Variants in RNF6 observed in about 807,000 individuals in gnomAD.
RNF6 encodes ring finger protein 6.
A neutral mutation model predicts 50.1 loss-of-function variants in RNF6; 21 were observed. The ratio of observed to expected loss-of-function variants is 0.42; its 90% CI spans 0.30 to 0.60. The LOEUF (loss-of-function observed/expected upper bound fraction) is 0.60, where lower values mean the gene tolerates loss of function less well. Among genes scored for constraint, RNF6 ranks in the 20% least tolerant of loss-of-function variants. RNF6 has a pLI of 0.20. For missense variants in RNF6, 698 were observed against 838.2 expected, an observed-to-expected ratio of 0.83 and a Z score of 2.07; for synonymous variants, 255 against 291.8, an observed-to-expected ratio of 0.87 and a Z score of 1.29.
At chr13:26,157,956 AAGATAGAT>A (rs151267109) in intron 5 of RNF6, among the ~76,000 whole-genome samples, 12,215 of 146,628 alleles carry the variant, frequency 0.083, 536 homozygotes, top group East Asian at 0.12. Flanking sequence ...AGCTAGCTAG[AAGATAGAT>A]AGATAGATAG....
At chr13:26,201,370 T>G (rs1343528969) in intron 5 of RNF6, among the ~76,000 whole-genome samples, 1 of 152,204 alleles carries the variant, frequency 6.6e-6, no homozygotes, top group Non-Finnish European at 1.5e-5. Context: ...TGAAACAGAT[T>G]TGATGATTGG....
chr13:26,222,348 G>A (rs1440116060), upstream of RNF6: 1 of 152,276 alleles, frequency 6.6e-6, no homozygotes, highest in Non-Finnish European at 1.5e-5. Flanking sequence ...AGGGTGCCTG[G>A]CGTCCCGCGT....
chr13:26,169,082 G>A (rs7987427), intron 5 of RNF6, among the ~76,000 whole-genome samples: 2 of 151,906 alleles, frequency 1.3e-5, no homozygotes, highest in African/African-American at 4.8e-5. Flanking sequence ...CTGGGAAAAG[G>A]CTGCACTCCC....
chr13:26,144,422 C>A (rs758550710), intron 5 of RNF6, among the ~76,000 whole-genome samples: 3 of 151,428 alleles, frequency 2.0e-5, no homozygotes, highest in African/African-American at 7.3e-5. Flanking sequence ...ACCCACATAC[C>A]TCTTCTCCAA....
intron 5 of RNF6, among the ~76,000 whole-genome samples, chr13:26,191,604 C>A (rs758574356): frequency 1.1e-4 from 16 of 152,112 alleles, no homozygotes; most frequent in Non-Finnish European, 1.8e-4. Flanking sequence ...AAGTGCTTGG[C>A]AGTTCTCTCC....
chr13:26,145,221 G>A (rs564545765), intron 5 of RNF6, among the ~76,000 whole-genome samples: 158 of 152,366 alleles, frequency 1.0e-3, no homozygotes, highest in African/African-American at 3.7e-3. Context: ...TGCAACAGCT[G>A]AAAGTGGAGT....
At chr13:26,143,537 T>C (rs985907752) in intron 5 of RNF6, among the ~76,000 whole-genome samples, 1 of 152,186 alleles carries the variant, frequency 6.6e-6, no homozygotes, top group Admixed American at 6.5e-5. Context: ...CTTTTGCTAG[T>C]GACTCACTAG....
intron 5 of RNF6, among the ~76,000 whole-genome samples, chr13:26,155,547 A>T (rs1366802076): frequency 6.6e-6 from 1 of 152,190 alleles, no homozygotes; most frequent in African/African-American, 2.4e-5. Flanking sequence ...GAGAGCAAAC[A>T]GGCTTTACTG....
intron 5 of RNF6, among the ~76,000 whole-genome samples, chr13:26,157,392 G>A (rs1871984911): frequency 1.3e-5 from 2 of 152,028 alleles, no homozygotes; most frequent in Admixed American, 6.6e-5. Flanking sequence ...CAATGGCAGT[G>A]GGTGTAATTT....
At chr13:26,132,187 C>T (rs1370412407) in exon 6 of RNF6, 1 of 232,918 alleles carries the variant, frequency 4.3e-6, no homozygotes, top group East Asian at 1.1e-4. Context: ...TCCATAGATG[C>T]TTCAGGGTAT....
chr13:26,181,699 A>C (rs1359305030), intron 5 of RNF6, among the ~76,000 whole-genome samples: 1 of 152,224 alleles, frequency 6.6e-6, no homozygotes, highest in Non-Finnish European at 1.5e-5. Flanking sequence ...TCCTCTTGGC[A>C]TCAAGCAGTG....
At chr13:26,173,026 A>G (rs1300293734) in intron 5 of RNF6, among the ~76,000 whole-genome samples, 1 of 152,244 alleles carries the variant, frequency 6.6e-6, no homozygotes, top group East Asian at 1.9e-4. Context: ...TCATAATTAT[A>G]TGAGAACATG....
chr13:26,190,036 A>C (rs1286782355), intron 5 of RNF6, among the ~76,000 whole-genome samples: 1 of 152,236 alleles, frequency 6.6e-6, no homozygotes, highest in Non-Finnish European at 1.5e-5. Flanking sequence ...CGGGGCTAAA[A>C]TCAAGGTGTT....
chr13:26,153,765 C>G (rs1326875823), intron 5 of RNF6, among the ~76,000 whole-genome samples: 1 of 151,612 alleles, frequency 6.6e-6, no homozygotes, highest in Non-Finnish European at 1.5e-5. Context: ...GTAAAATTAT[C>G]CTATTTTGGA....
At chr13:26,209,250 A>G (rs1593188274), downstream of RNF6, among the ~76,000 whole-genome samples, 1 of 152,298 alleles carries the variant, frequency 6.6e-6, no homozygotes, top group East Asian at 1.9e-4. Context: ...CATCACCACC[A>G]CAAGCACCAG....
intron 5 of RNF6, among the ~76,000 whole-genome samples, chr13:26,191,514 G>A (rs954072493): frequency 1.3e-5 from 2 of 152,180 alleles, no homozygotes; most frequent in East Asian, 1.9e-4. Context: ...CCTGGTGGGA[G>A]GTGATTGGAT....
chr13:26,136,154 C>G (rs1870636142), intron 5 of RNF6, among the ~76,000 whole-genome samples: 1 of 152,160 alleles, frequency 6.6e-6, no homozygotes, highest in Admixed American at 6.5e-5. Flanking sequence ...ACCACTTCAC[C>G]AGGAGATGTT....
intron 5 of RNF6, among the ~76,000 whole-genome samples, chr13:26,174,331 G>A (rs954002543): frequency 2.6e-5 from 4 of 152,004 alleles, no homozygotes; most frequent in African/African-American, 9.7e-5. Flanking sequence ...ACTGTAGTGG[G>A]GCAGCTGCAA....
chr13:26,168,125 A>C (rs753093657), intron 5 of RNF6, among the ~76,000 whole-genome samples: 5 of 152,228 alleles, frequency 3.3e-5, no homozygotes, highest in Admixed American at 6.5e-5. Context: ...GTGATGAAAT[A>C]ATCTGTACAA....
Sources: allele counts gnomAD v4.1 joint callset (sites outside exome capture counted in the v4.1 genomes callset), GRCh38; gene constraint gnomAD v4.1.1; transcripts MANE v1.5; gene names NCBI Gene and HGNC (gene_info 2026-07-23, HGNC 2026-07-21).